The following LEKR1 variants were observed in gnomAD, a reference collection of about 807,000 sequenced individuals.
LEKR1 encodes leucine, glutamate and lysine rich 1.
A neutral mutation model predicts 72.4 loss-of-function variants in LEKR1; 59 were observed. The observed-to-expected ratio is 0.82, with a 90% CI of 0.66 to 1.01. The LOEUF (loss-of-function observed/expected upper bound fraction) is 1.01, where lower values mean the gene tolerates loss of function less well. LEKR1 is among the 50% of genes least tolerant of loss of function. The pLI, the probability that LEKR1 is intolerant of heterozygous loss-of-function variation, is 0.00. For synonymous variants in LEKR1, 257 were observed against 263.2 expected, an observed-to-expected ratio of 0.98 and a Z score of 0.23; for missense variants, 728 against 759.2, an observed-to-expected ratio of 0.96 and a Z score of 0.48.
intron 3 of LEKR1, among the ~76,000 whole-genome samples, chr3:156,895,941 A>G (rs1721137671): frequency 6.6e-6 from 1 of 152,264 alleles, no homozygotes; most frequent in African/African-American, 2.4e-5. Context: ...CACAATAGCA[A>G]AGATATGGAA....
chr3:156,915,848 A>G (rs950449880), intron 3 of LEKR1, among the ~76,000 whole-genome samples: 3 of 152,084 alleles, frequency 2.0e-5, no homozygotes, highest in African/African-American at 4.8e-5. Context: ...TCCTATGTCC[A>G]GAATGGTATT....
At chr3:156,986,828 A>C (rs779088788) in intron 7 of LEKR1, among the ~76,000 whole-genome samples, 5 of 152,162 alleles carry the variant, frequency 3.3e-5, no homozygotes, top group Non-Finnish European at 7.3e-5. Context: ...TCATTTACTG[A>C]AGTGGGAAAT....
At chr3:156,897,866 T>C (rs542747531) in intron 3 of LEKR1, among the ~76,000 whole-genome samples, 2 of 152,040 alleles carry the variant, frequency 1.3e-5, no homozygotes, top group African/African-American at 4.8e-5. Flanking sequence ...GGCAGGAGAA[T>C]TGCTTGAATC....
chr3:156,874,429 G>T (rs2108548185), intron 3 of LEKR1, among the ~76,000 whole-genome samples: 1 of 152,022 alleles, frequency 6.6e-6, no homozygotes, highest in Non-Finnish European at 1.5e-5. Context: ...ATTTTTATTT[G>T]GGGGAGGCTT....
chr3:156,908,785 T>G (rs1722797984), intron 3 of LEKR1, among the ~76,000 whole-genome samples: 1 of 152,050 alleles, frequency 6.6e-6, no homozygotes, highest in African/African-American at 2.4e-5. Context: ...TCATTTTTTT[T>G]GTCATTTGTA....
chr3:156,838,376 A>C (rs557063130), intron 2 of LEKR1, among the ~76,000 whole-genome samples: 1 of 152,286 alleles, frequency 6.6e-6, no homozygotes, highest in East Asian at 1.9e-4. Flanking sequence ...GGCCTTCCAA[A>C]CCAGGATTCC....
chr3:156,853,858 T>G (rs893173569), intron 3 of LEKR1, among the ~76,000 whole-genome samples: 36 of 152,194 alleles, frequency 2.4e-4, no homozygotes, highest in African/African-American at 8.4e-4. Flanking sequence ...GCTTAAAAAT[T>G]TGAAGTATTA....
intron 3 of LEKR1, among the ~76,000 whole-genome samples, chr3:156,872,511 T>C (rs1718073272): frequency 6.6e-6 from 1 of 152,106 alleles, no homozygotes; most frequent in African/African-American, 2.4e-5. Context: ...CTTGCTTTTC[T>C]AGTTCTTTCA....
chr3:156,894,679 T>A (rs562709521), intron 3 of LEKR1, among the ~76,000 whole-genome samples: 48 of 152,252 alleles, frequency 3.2e-4, no homozygotes, highest in Non-Finnish European at 5.3e-4. Context: ...AGCATGGTAC[T>A]GGTACAGAAA....
chr3:157,018,008 AG>A (rs1453878486), intron 10 of LEKR1, among the ~76,000 whole-genome samples: 2 of 151,816 alleles, frequency 1.3e-5, no homozygotes, highest in African/African-American at 4.8e-5. Flanking sequence ...TCAACAAAGT[AG>A]ATTTCACAGC....
At chr3:157,025,264 T>C (rs868570323) in intron 11 of LEKR1, among the ~76,000 whole-genome samples, 2 of 152,230 alleles carry the variant, frequency 1.3e-5, no homozygotes, top group African/African-American at 4.8e-5. Flanking sequence ...TTTTATATAA[T>C]TAAAATTTTC....
chr3:157,006,056 A>T (rs1270040056), intron 9 of LEKR1, among the ~76,000 whole-genome samples: 4 of 149,086 alleles, frequency 2.7e-5, no homozygotes, highest in African/African-American at 5.0e-5. Context: ...CGGACTGCGG[A>T]CTGCAGTGGC....
chr3:157,006,558 T>C (rs1732455084), intron 9 of LEKR1, among the ~76,000 whole-genome samples: 3 of 152,188 alleles, frequency 2.0e-5, no homozygotes, highest in Admixed American at 2.0e-4. Flanking sequence ...TACACAGGTA[T>C]TGAGAGCAGC....
At chr3:157,002,437 AG>A (rs1398520123) in intron 9 of LEKR1, among the ~76,000 whole-genome samples, 1 of 152,150 alleles carries the variant, frequency 6.6e-6, no homozygotes, top group Non-Finnish European at 1.5e-5. Flanking sequence ...GTACTGTACA[AG>A]TGTGATTTTT....
At chr3:156,901,915 A>C (rs1039658095) in intron 3 of LEKR1, among the ~76,000 whole-genome samples, 6 of 152,144 alleles carry the variant, frequency 3.9e-5, no homozygotes, top group African/African-American at 1.4e-4. Flanking sequence ...TGAACTCCTG[A>C]CCTTGTGATC....
At chr3:157,025,485 T>C (rs1459767635) in intron 11 of LEKR1, among the ~76,000 whole-genome samples, 1 of 152,112 alleles carries the variant, frequency 6.6e-6, no homozygotes, top group East Asian at 1.9e-4. Flanking sequence ...TGTGTATTAA[T>C]CAAGACCTAG....
intron 2 of LEKR1, among the ~76,000 whole-genome samples, chr3:156,829,628 C>T (rs1440957934): frequency 3.3e-5 from 5 of 152,114 alleles, no homozygotes; most frequent in African/African-American, 9.7e-5. Flanking sequence ...TTGTGGAGCC[C>T]TAGTGAAAAG....
At chr3:156,993,594 C>T (rs1186289286) in intron 9 of LEKR1, among the ~76,000 whole-genome samples, 1 of 151,680 alleles carries the variant, frequency 6.6e-6, no homozygotes, top group African/African-American at 2.4e-5. Flanking sequence ...TAAATTTCAC[C>T]TGGGTCAGTG....
intron 2 of LEKR1, among the ~76,000 whole-genome samples, chr3:156,831,624 T>G (rs1221641311): frequency 6.6e-6 from 1 of 152,158 alleles, no homozygotes; most frequent in Non-Finnish European, 1.5e-5. Flanking sequence ...AGGGATGTCT[T>G]ACATGATGGC....
Sources: allele counts gnomAD v4.1 joint callset (sites outside exome capture counted in the v4.1 genomes callset), GRCh38; gene constraint gnomAD v4.1.1; transcripts MANE v1.5; gene names NCBI Gene and HGNC (gene_info 2026-07-23, HGNC 2026-07-21).